CHODL: variants seen among roughly 807,000 people sequenced by gnomAD.
CHODL encodes the protein transmembrane protein MT75.
CHODL carries 29 observed loss-of-function variants against 34.5 expected under a neutral mutation model. The observed-to-expected ratio is 0.84, with a 90% confidence interval of 0.63 to 1.15. The LOEUF (loss-of-function observed/expected upper bound fraction) is 1.15, where lower values mean the gene tolerates loss of function less well. CHODL is among the 50% of genes most tolerant of loss of function. The pLI is 0.00. For missense variants in CHODL, 332 were observed against 332.5 expected (o/e 1.00, Z 0.01); for synonymous variants, 125 against 116.1 (o/e 1.08, Z -0.49).
intron 2 of CHODL, among the ~76,000 whole-genome samples, chr21:18,199,516 C>T (rs530932271): frequency 6.6e-6 from 1 of 152,138 alleles, no homozygotes; most frequent in South Asian, 2.1e-4. Flanking sequence ...TCAGGATTCA[C>T]TCTGTATTGT....
At chr21:18,224,808 A>G (rs1466985271) in intron 2 of CHODL, among the ~76,000 whole-genome samples, 1 of 152,086 alleles carries the variant, frequency 6.6e-6, no homozygotes, top group African/African-American at 2.4e-5. Context: ...ATATTTCAGG[A>G]TTATAGTAGT....
At chr21:18,134,443 T>C in intron 2 of CHODL, 1 of 476,420 alleles carries the variant, frequency 2.1e-6, no homozygotes, top group Admixed American at 2.2e-5. Context: ...CTGTGGCTCA[T>C]CTTTCTTTGC....
chr21:17,932,581 A>T (rs2063282892), intron 1 of CHODL, among the ~76,000 whole-genome samples: 1 of 126,150 alleles, frequency 7.9e-6, no homozygotes, highest in Admixed American at 8.8e-5. Context: ...GAATGATTGG[A>T]TAAAGAAAAC....
At chr21:17,944,636 A>G (rs2146334586) in intron 1 of CHODL, among the ~76,000 whole-genome samples, 1 of 152,278 alleles carries the variant, frequency 6.6e-6, no homozygotes, top group East Asian at 1.9e-4. Flanking sequence ...AGCAGGGGGT[A>G]TATCTTGTGG....
rs1242707518 is a variant in CHODL at position 17,948,251 on chromosome 21, A to G, written c.-145+30851A>G. Among the ~76,000 whole-genome samples the G allele has an allele frequency of 3.3e-5, 5 of 152,066 alleles. No individual in the cohort carries two copies. The South Asian group carries it at 8.3e-4, about 25-fold the overall frequency. ...CGAAAAACCCAGACTTTACCTCTAC[A>G]TAATAATCCATGTAACAAAAATGCA... On this transcript the variant is annotated intron_variant, in intron 1 of 6. Transcript: ENST00000400127.
intron 1 of CHODL, among the ~76,000 whole-genome samples, chr21:17,992,714 A>ATTT (rs1568834220): frequency 2.0e-5 from 1 of 49,746 alleles, no homozygotes; most frequent in African/African-American, 5.2e-5. Flanking sequence ...TTTCTGGTGG[A>ATTT]GTTGTTTTTT....
At chr21:18,083,707 T>C (rs1000467959) in intron 2 of CHODL, among the ~76,000 whole-genome samples, 3 of 152,212 alleles carry the variant, frequency 2.0e-5, no homozygotes, top group Non-Finnish European at 4.4e-5. Flanking sequence ...TGCTGGGCTT[T>C]GGACTTGCAT....
chr21:17,936,530 A>C (rs544718353), intron 1 of CHODL, among the ~76,000 whole-genome samples: 1 of 151,868 alleles, frequency 6.6e-6, no homozygotes, highest in Non-Finnish European at 1.5e-5. Context: ...GAGAAATTTC[A>C]TAGTACTTAG....
At chr21:18,092,105 T>C (rs1171731487) in intron 2 of CHODL, among the ~76,000 whole-genome samples, 4 of 152,164 alleles carry the variant, frequency 2.6e-5, no homozygotes, top group Non-Finnish European at 5.9e-5. Context: ...AGTTCCAATG[T>C]TGGTGGCCAC....
intron 2 of CHODL, among the ~76,000 whole-genome samples, chr21:18,165,652 T>C (rs942283603): frequency 1.3e-5 from 2 of 152,158 alleles, no homozygotes; most frequent in African/African-American, 4.8e-5. Flanking sequence ...TGGAGCCAAA[T>C]TGCTCCTCAG....
intron 2 of CHODL, among the ~76,000 whole-genome samples, chr21:18,044,063 A>G (rs2064410791): frequency 1.3e-5 from 2 of 152,042 alleles, no homozygotes; most frequent in Non-Finnish European, 2.9e-5. Flanking sequence ...GCCAAACCAT[A>G]TCAGACCTAT....
chr21:18,093,433 CACAGAATAGT>C (rs2065098476), intron 2 of CHODL, among the ~76,000 whole-genome samples: 1 of 151,890 alleles, frequency 6.6e-6, no homozygotes, highest in African/African-American at 2.4e-5. Flanking sequence ...CACAGAAAAC[CACAGAATAGT>C]ATAATACTGT....
intron 1 of CHODL, among the ~76,000 whole-genome samples, chr21:17,976,481 C>T (rs1056850462): frequency 6.6e-6 from 1 of 152,010 alleles, no homozygotes; most frequent in Non-Finnish European, 1.5e-5. Context: ...AGCTGTTGGG[C>T]ATCTTTCATG....
At chr21:18,229,452 G>A (rs1367993874) in intron 2 of CHODL, among the ~76,000 whole-genome samples, 1 of 152,006 alleles carries the variant, frequency 6.6e-6, no homozygotes, top group East Asian at 1.9e-4. Context: ...TGGTTAACAG[G>A]GTCATATTTT....
intron 2 of CHODL, among the ~76,000 whole-genome samples, chr21:18,052,439 C>T (rs774897009): frequency 6.6e-6 from 1 of 151,884 alleles, no homozygotes; most frequent in South Asian, 2.1e-4. Flanking sequence ...CTCCATAAAG[C>T]TTCATTTTAT....
intron 2 of CHODL, 72 bp from the exon 3 acceptor site, chr21:18,256,898 A>T (rs1462695509): frequency 7.0e-6 from 11 of 1,580,956 alleles, no homozygotes; most frequent in Non-Finnish European, 9.5e-6. Context: ...CCTGTAGAGG[A>T]TGTCAGAGTA....
At chr21:18,046,684 A>G (rs1027989251) in intron 2 of CHODL, among the ~76,000 whole-genome samples, 5 of 151,962 alleles carry the variant, frequency 3.3e-5, no homozygotes, top group Non-Finnish European at 5.9e-5. Flanking sequence ...TACTTGAGAT[A>G]ATGTATGCTA....
At chr21:18,163,913 T>TA (rs1276365226) in intron 2 of CHODL, among the ~76,000 whole-genome samples, 2 of 152,168 alleles carry the variant, frequency 1.3e-5, no homozygotes, top group South Asian at 2.1e-4. Flanking sequence ...GATTAATGCT[T>TA]AAAAAAAGAA....
At chr21:18,246,687 C>T (rs1466763488) in intron 1 of CHODL, among the ~76,000 whole-genome samples, 2 of 152,252 alleles carry the variant, frequency 1.3e-5, no homozygotes, top group South Asian at 4.1e-4. Flanking sequence ...AGAGACCATG[C>T]TTTGAACATA....
Sources: gnomAD v4.1 joint callset for allele counts (sites outside exome capture counted in the v4.1 genomes callset) on GRCh38, gnomAD v4.1.1 for gene constraint, MANE v1.5 for transcripts, NCBI Gene and HGNC (gene_info 2026-07-23, HGNC 2026-07-21) for gene names.